PCDH15: variants seen among roughly 807,000 people sequenced by gnomAD.
PCDH15 encodes protocadherin-15.
Under a neutral mutation model 178.5 loss-of-function variants are expected in PCDH15, and 129 were observed. The ratio of observed to expected loss-of-function variants is 0.72; its 90% CI spans 0.63 to 0.84. PCDH15 has a LOEUF of 0.84. Among genes scored for constraint, PCDH15 ranks in the 40% least tolerant of loss-of-function variants. The pLI is 0.00. For missense variants in PCDH15, 2,230 were observed against 2,099.9 expected (o/e 1.06, Z -1.21); for synonymous variants, 800 against 732.0 (o/e 1.09, Z -1.50).
chr10:53,974,458 A>C (rs897140101), intron 21 of PCDH15, among the ~76,000 whole-genome samples: 111 of 152,264 alleles, frequency 7.3e-4, no homozygotes, highest in African/African-American at 2.5e-3. Context: ...GAGAAATTTA[A>C]AAATTGTCTA....
At chr10:54,195,458 C>A (rs2049508351) in intron 11 of PCDH15, among the ~76,000 whole-genome samples, 1 of 152,100 alleles carries the variant, frequency 6.6e-6, no homozygotes, top group South Asian at 2.1e-4. Context: ...CATTCATTTT[C>A]TTACATATAC....
intron 1 of PCDH15, among the ~76,000 whole-genome samples, chr10:55,180,400 C>A (rs968766245): frequency 2.6e-5 from 4 of 151,966 alleles, no homozygotes; most frequent in East Asian, 1.9e-4. Flanking sequence ...AATAAGAGAC[C>A]GTCTCACCAG....
chr10:55,423,325 G>A (rs61427456), intron 2 of PCDH15, among the ~76,000 whole-genome samples: 667 of 151,804 alleles, frequency 4.4e-3, no homozygotes, highest in African/African-American at 0.015. Flanking sequence ...TGCACTGTAG[G>A]GTATCAGATA....
intron 30 of PCDH15, among the ~76,000 whole-genome samples, chr10:53,830,175 G>T (rs750558890): frequency 1.3e-5 from 2 of 152,006 alleles, no homozygotes; most frequent in African/African-American, 4.8e-5. Context: ...GGTGGCGCAT[G>T]CCTGTAATCC....
Position 54,277,375 on chromosome 10 carries a change from T to C in PCDH15, c.876+39896A>G, listed in dbSNP as rs74690171. Among the ~76,000 whole-genome samples the C allele has an allele frequency of 9.8e-3, 1,485 of 151,632 alleles. 25 individuals carry two copies. The highest frequency in any genetic ancestry group is 0.033 in the African/African-American group (1,386 of 41,482). ...AAGCATGGTAATACATCTTCCGCAG[T>C]GACAGGATATTTGATAAGACTTTCA... On this transcript the variant is annotated intron_variant, in intron 8 of 37. Transcript: ENST00000644397.
intron 8 of PCDH15, among the ~76,000 whole-genome samples, chr10:54,274,142 T>C (rs1278016489): frequency 1.3e-5 from 2 of 151,414 alleles, no homozygotes; most frequent in African/African-American, 4.9e-5. Context: ...TTTTGGAGGG[T>C]GGAGAGTTGG....
intron 1 of PCDH15, among the ~76,000 whole-genome samples, chr10:54,785,062 C>G (rs1042284559): frequency 1.3e-5 from 2 of 151,654 alleles, no homozygotes; most frequent in African/African-American, 4.8e-5. Context: ...GTTCATCTAC[C>G]CGATATGACC....
rs1406614800 is a variant in PCDH15, at chr10:55,501,079, C to T, written c.-156+126546G>A. On this transcript the variant is annotated intron_variant, in intron 2 of 5. Coordinates refer to the PCDH15 transcript ENST00000613346. ...GTTAAGATGAGGTCATTAGAGTGGG[C>T]CCTGATCAAATATAACTTCTGTCCT... Among the ~76,000 whole-genome samples the T allele has an allele frequency of 2.0e-5, 3 of 151,580 alleles. No individual in the cohort carries two copies. In the East Asian group the frequency reaches 5.9e-4, roughly 30 times the overall value.
rs781775272 is a variant in PCDH15, at chr10:55,231,979, C to T, written c.-155-65328G>A. Reference sequence around the variant, plus strand: ...GACAATATATTTAATTCTGTCAAAGCTGTGCCAGGTTTACAAAGAGTTTGT... The same window carrying T: ...GACAATATATTTAATTCTGTCAAAGTTGTGCCAGGTTTACAAAGAGTTTGT... On this transcript the variant is annotated intron_variant, in intron 1 of 5. Transcript: ENST00000458638. 4.6e-4 allele frequency among the ~76,000 whole-genome samples: 70 copies of T among 151,992 alleles called. 1 individual carries two copies. Among genetic ancestry groups the T allele is most frequent in the Non-Finnish European group, 3.5e-4 (24 of 67,902 alleles).
At chr10:54,164,096 C>A (rs1374686716) in intron 13 of PCDH15, among the ~76,000 whole-genome samples, 1 of 152,114 alleles carries the variant, frequency 6.6e-6, no homozygotes, top group Non-Finnish European at 1.5e-5. Context: ...TATGCAGAAG[C>A]TTTCGCTAGT....
At chr10:54,311,578 T>C (rs989229367) in intron 8 of PCDH15, among the ~76,000 whole-genome samples, 2 of 152,072 alleles carry the variant, frequency 1.3e-5, no homozygotes, top group Non-Finnish European at 2.9e-5. Flanking sequence ...ATTTATTTCA[T>C]CCTACTTGCC....
chr10:54,807,682 ATATATTTAT>A (rs1413102276), intron 3 of PCDH15, among the ~76,000 whole-genome samples: 12 of 148,302 alleles, frequency 8.1e-5, no homozygotes, highest in Admixed American at 2.0e-4. Context: ...TTATTTATAT[ATATATTTAT>A]AAGTATATAA....
intron 2 of PCDH15, among the ~76,000 whole-genome samples, chr10:55,424,602 C>T (rs1838706350): frequency 6.6e-6 from 1 of 152,054 alleles, no homozygotes; most frequent in South Asian, 2.1e-4. Flanking sequence ...TGCTACATGT[C>T]TTCAAAACAT....
intron 1 of PCDH15, among the ~76,000 whole-genome samples, chr10:54,666,752 A>G (rs1387873474): frequency 6.6e-6 from 1 of 152,074 alleles, no homozygotes; most frequent in African/African-American, 2.4e-5. Context: ...AGAGACGGTA[A>G]TATCTTAGCA....
At chr10:54,763,529 A>C (rs1241748222) in intron 1 of PCDH15, among the ~76,000 whole-genome samples, 1 of 152,048 alleles carries the variant, frequency 6.6e-6, no homozygotes, top group Non-Finnish European at 1.5e-5. Context: ...TAGAAGAAAT[A>C]AGTTCTAGAG....
At chr10:54,146,361 A>G (rs1254031230) in intron 14 of PCDH15, among the ~76,000 whole-genome samples, 1 of 151,928 alleles carries the variant, frequency 6.6e-6, no homozygotes, top group Non-Finnish European at 1.5e-5. Flanking sequence ...AGTCATTTTT[A>G]TCGTAATTTT....
intron 8 of PCDH15, among the ~76,000 whole-genome samples, chr10:54,255,309 C>G (rs2056813293): frequency 6.6e-6 from 1 of 152,182 alleles, no homozygotes; most frequent in South Asian, 2.1e-4. Flanking sequence ...AGATGCACAT[C>G]ACTTCCTTTG....
chr10:54,964,675 T>C (rs1838736885), intron 2 of PCDH15, among the ~76,000 whole-genome samples: 1 of 152,188 alleles, frequency 6.6e-6, no homozygotes, highest in South Asian at 2.1e-4. Flanking sequence ...GACAAAATTA[T>C]GTTAATAATA....
intron 2 of PCDH15, among the ~76,000 whole-genome samples, chr10:55,007,677 G>A (rs747798941): frequency 2.0e-5 from 3 of 151,982 alleles, no homozygotes; most frequent in Non-Finnish European, 4.4e-5. Context: ...TAAATCACAG[G>A]CTGGGGTTGT....
Sources: gnomAD v4.1 joint callset for allele counts (sites outside exome capture counted in the v4.1 genomes callset) on GRCh38, gnomAD v4.1.1 for gene constraint, MANE v1.5 for transcripts, NCBI Gene and HGNC (gene_info 2026-07-23, HGNC 2026-07-21) for gene names.